The following NOL4 variants were observed in gnomAD, a reference collection of about 807,000 sequenced individuals.
NOL4 encodes the protein cancer/testis antigen 125.
Under a neutral mutation model 75.9 loss-of-function variants are expected in NOL4, and 17 were observed. The observed-to-expected ratio is 0.22, with a 90% CI of 0.15 to 0.34. The LOEUF is 0.34. Ranked by LOEUF, NOL4 falls within the 10% of genes least tolerant of loss-of-function variation. The probability of loss-of-function intolerance (pLI) is 1.00; values close to 1 mark genes in which losing one functional copy is unlikely to be tolerated. For missense variants in NOL4, 614 were observed against 793.5 expected, an observed-to-expected ratio of 0.77 and a Z score of 2.72; for synonymous variants, 292 against 289.9, an observed-to-expected ratio of 1.01 and a Z score of -0.07.
At chr18:34,051,824 T>C (rs1267994439) in intron 5 of NOL4, among the ~76,000 whole-genome samples, 1 of 152,010 alleles carries the variant, frequency 6.6e-6, no homozygotes, top group Non-Finnish European at 1.5e-5. Context: ...GAAATGAATG[T>C]ATTTTAAGTA....
intron 1 of NOL4, among the ~76,000 whole-genome samples, chr18:34,179,421 G>T (rs1054274123): frequency 6.6e-6 from 1 of 151,164 alleles, no homozygotes; most frequent in Non-Finnish European, 1.5e-5. Flanking sequence ...ACCGTAAGTT[G>T]GTTGGTTTGT....
At chr18:34,097,375 C>T (rs182495478) in intron 4 of NOL4, among the ~76,000 whole-genome samples, 23 of 151,294 alleles carry the variant, frequency 1.5e-4, no homozygotes, top group Non-Finnish European at 8.9e-5. Context: ...GAGTGTAGAT[C>T]CTGTTAAAAA....
At chr18:34,199,397 A>G (rs989921768) in intron 1 of NOL4, among the ~76,000 whole-genome samples, 8 of 151,798 alleles carry the variant, frequency 5.3e-5, no homozygotes, top group African/African-American at 1.9e-4. Context: ...AGGAGCAAAA[A>G]TGATCTAAAA....
chr18:33,957,125 T>A (rs1395815545), intron 8 of NOL4, among the ~76,000 whole-genome samples: 1 of 151,990 alleles, frequency 6.6e-6, no homozygotes, highest in Non-Finnish European at 1.5e-5. Flanking sequence ...AAGATATTCC[T>A]TATTAAATAA....
chr18:33,885,365 A>T (rs1412491510), intron 9 of NOL4, among the ~76,000 whole-genome samples: 1 of 152,138 alleles, frequency 6.6e-6, no homozygotes, highest in Non-Finnish European at 1.5e-5. Flanking sequence ...CAAAGGATAC[A>T]ATCAACAAAG....
chr18:34,183,265 T>TATGTGG (rs1284078604), intron 1 of NOL4, among the ~76,000 whole-genome samples: 1 of 151,190 alleles, frequency 6.6e-6, no homozygotes, highest in Non-Finnish European at 1.5e-5. Flanking sequence ...CCAAATAAAA[T>TATGTGG]ATGTGGATGC....
intron 10 of NOL4, among the ~76,000 whole-genome samples, chr18:33,862,236 G>A: frequency 6.6e-6 from 1 of 151,920 alleles, no homozygotes; most frequent in Admixed American, 6.6e-5. Flanking sequence ...GCTGAAACTG[G>A]ATCCCTTCCT....
At chr18:34,170,322 C>A (rs1368440677) in intron 1 of NOL4, among the ~76,000 whole-genome samples, 2 of 151,900 alleles carry the variant, frequency 1.3e-5, no homozygotes, top group Non-Finnish European at 2.9e-5. Context: ...GGATTACAGG[C>A]ACGTGCCACA....
chr18:34,152,143 T>C (rs1244422661), intron 1 of NOL4, among the ~76,000 whole-genome samples: 1 of 151,806 alleles, frequency 6.6e-6, no homozygotes, highest in Non-Finnish European at 1.5e-5. Context: ...AACATTAACT[T>C]ATTTTAATGT....
At chr18:33,887,071 T>G (rs1425537005) in intron 9 of NOL4, among the ~76,000 whole-genome samples, 1 of 140,506 alleles carries the variant, frequency 7.1e-6, no homozygotes, top group African/African-American at 2.6e-5. Flanking sequence ...ATATATAATA[T>G]ATATATCTAT....
intron 2 of NOL4, among the ~76,000 whole-genome samples, chr18:34,116,586 T>G (rs1396991938): frequency 6.6e-6 from 1 of 152,128 alleles, no homozygotes; most frequent in Admixed American, 6.5e-5. Context: ...AATACTAAAG[T>G]TTTTTCACAT....
chr18:33,963,251 C>G (rs2070297682), intron 6 of NOL4, among the ~76,000 whole-genome samples: 1 of 152,172 alleles, frequency 6.6e-6, no homozygotes, highest in African/African-American at 2.4e-5. Context: ...AGAACCAACA[C>G]ATATCCCTCA....
chr18:34,165,089 T>C (rs1285961951), intron 1 of NOL4, among the ~76,000 whole-genome samples: 2 of 116,148 alleles, frequency 1.7e-5, no homozygotes, highest in Admixed American at 2.2e-4. Context: ...TGGGGACTGT[T>C]GTGGGGTGGG....
chr18:33,929,156 A>T (rs1490775000), intron 9 of NOL4, among the ~76,000 whole-genome samples: 1 of 152,168 alleles, frequency 6.6e-6, no homozygotes, highest in Admixed American at 6.5e-5. Flanking sequence ...ATGTACTTAC[A>T]GTCTACGTAA....
chr18:34,091,869 C>T (rs2078538112), intron 5 of NOL4, among the ~76,000 whole-genome samples: 1 of 152,046 alleles, frequency 6.6e-6, no homozygotes, highest in Non-Finnish European at 1.5e-5. Context: ...TGAGAAAGTG[C>T]TTTTCCCTAA....
chr18:34,161,949 ATATT>A (rs1289427707), intron 1 of NOL4, among the ~76,000 whole-genome samples: 1 of 152,112 alleles, frequency 6.6e-6, no homozygotes, highest in Admixed American at 6.6e-5. Context: ...AGTAAAGGTA[ATATT>A]TATTTAATTT....
chr18:34,125,028 A>C (rs1295050169), intron 2 of NOL4, among the ~76,000 whole-genome samples: 1 of 152,180 alleles, frequency 6.6e-6, no homozygotes. Context: ...GCTAGAGATG[A>C]GAGACAGAAA....
Position 34,019,416 on chromosome 18 carries a change from T to C in NOL4, c.958A>G (p.Arg320Gly), listed in dbSNP as rs1568225266. The change falls in exon 6 of 11, where the codon AGA (arginine) becomes GGA (glycine). Residue 320 changes from arginine to glycine, a missense_variant. Physicochemically the swap from Arg to Gly is moderately radical, Grantham distance 125 (BLOSUM62 -2). Coordinates refer to ENST00000261592, the MANE Select transcript of NOL4 (RefSeq NM_003787.5). ...PLSAQLTSEY[R>G]IDDHNSNGKN... ...CCATTACTGTTGTGATCATCTATTC[T>C]GTATTCCGAAGTTAGCTGCGCAGAG... The C allele has an allele frequency of 6.2e-7, 1 of 1,614,038 alleles. No individual in the cohort carries two copies. Among genetic ancestry groups the C allele is most frequent in the East Asian group, 2.2e-5 (1 of 44,842 alleles).
intron 5 of NOL4, among the ~76,000 whole-genome samples, chr18:34,063,646 A>G (rs898052308): frequency 2.0e-5 from 3 of 152,098 alleles, no homozygotes; most frequent in African/African-American, 7.2e-5. Context: ...AGTGAACATA[A>G]CCAACCCTCT....
Sources: gnomAD v4.1 joint callset for allele counts (sites outside exome capture counted in the v4.1 genomes callset) on GRCh38, gnomAD v4.1.1 for gene constraint, MANE v1.5 for transcripts, NCBI Gene and HGNC (gene_info 2026-07-23, HGNC 2026-07-21) for gene names.